Variants in GSK3B observed in about 807,000 individuals in gnomAD.
GSK3B encodes the protein glycogen synthase kinase 3 beta.
GSK3B carries 15 observed loss-of-function variants against 56.4 expected under a neutral mutation model. The observed-to-expected ratio is 0.27, with a 90% CI of 0.18 to 0.41. The LOEUF (loss-of-function observed/expected upper bound fraction) is 0.41, where lower values mean the gene tolerates loss of function less well. Among genes scored for constraint, GSK3B ranks in the 10% least tolerant of loss-of-function variants. The pLI is 1.00. For missense variants in GSK3B, 300 were observed against 513.4 expected (o/e 0.58, Z 4.02); for synonymous variants, 181 against 188.9 (o/e 0.96, Z 0.34).
At chr3:120,009,604 A>G (rs1448886896) in intron 1 of GSK3B, among the ~76,000 whole-genome samples, 1 of 151,472 alleles carries the variant, frequency 6.6e-6, no homozygotes, top group Non-Finnish European at 1.5e-5. Flanking sequence ...AAAACCAAAC[A>G]CCGCATGTTC....
chr3:120,093,198 G>A (rs2058528900), intron 1 of GSK3B, 149 bp downstream of exon 1: 2 of 566,302 alleles, frequency 3.5e-6, no homozygotes, highest in Admixed American at 2.9e-5. Context: ...AGTAAAAAGG[G>A]AGCTGCTTCA....
chr3:120,067,696 C>T (rs2058291905), intron 1 of GSK3B, among the ~76,000 whole-genome samples: 2 of 152,214 alleles, frequency 1.3e-5, no homozygotes, highest in South Asian at 4.2e-4. Flanking sequence ...GCAGAACATA[C>T]AAGAAATAAA....
rs181795872 is a variant in GSK3B at position 119,886,892 on chromosome 3, A to G, written c.814-10384T>C. On this transcript the variant is annotated intron_variant, in intron 7 of 10. Coordinates refer to ENST00000264235, the MANE Select transcript of GSK3B (RefSeq NM_001146156.2). The stretch of plus-strand genomic sequence containing the variant: ...AGCAGGAAAGAAGGCTGCAAAACTA[A>G]CCACTGGGTACTATGCTCAGTACCT... 5.1e-4 allele frequency among the ~76,000 whole-genome samples: 77 copies of G among 152,170 alleles called. No homozygotes were observed. In the Middle Eastern group the frequency reaches 0.01, roughly 20 times the overall value.
Position 119,823,485 on chromosome 3 carries a change from A to G in GSK3B, c.*3303T>C, listed in dbSNP as rs190976553. On this transcript the variant is annotated 3_prime_UTR_variant, in exon 11 of 11. Transcript: ENST00000264235. ...ATTTATAAAAAAACAATTCTCTGTC[A>G]CTCTCTCATTTGGGAGGGAAGTAGA... The G allele has an allele frequency of 5.2e-6, 1 of 192,824 alleles. No homozygotes were observed. Among genetic ancestry groups the G allele is most frequent in the East Asian group, 8.2e-5 (1 of 12,188 alleles). 11.9% of individuals were successfully genotyped at this position (192,824 alleles called of 1,614,324 possible). A position where few individuals can be genotyped will look rare whatever the true frequency, so the allele number is the denominator to read the frequency against.
intron 7 of GSK3B, among the ~76,000 whole-genome samples, chr3:119,904,779 T>TA (rs1449465275): frequency 6.6e-6 from 1 of 152,122 alleles, no homozygotes; most frequent in Admixed American, 6.5e-5. Flanking sequence ...GGAATGTAAC[T>TA]AAAAGGTTAT....
chr3:119,947,822 G>T (rs915774651), intron 2 of GSK3B, among the ~76,000 whole-genome samples: 1 of 148,058 alleles, frequency 6.8e-6, no homozygotes, highest in Non-Finnish European at 1.5e-5. Context: ...CATGAAAAGA[G>T]CTCAGTTGCT....
chr3:119,840,373 C>T (rs1276028300), intron 10 of GSK3B, among the ~76,000 whole-genome samples: 1 of 152,018 alleles, frequency 6.6e-6, no homozygotes, highest in Non-Finnish European at 1.5e-5. Flanking sequence ...TACAGGCATG[C>T]ATCACCACGT....
intron 1 of GSK3B, among the ~76,000 whole-genome samples, chr3:120,081,651 C>T (rs151087627): frequency 3.7e-4 from 57 of 152,276 alleles, no homozygotes; most frequent in African/African-American, 1.3e-3. Flanking sequence ...AACTATCATA[C>T]CACTAGACAC....
intron 1 of GSK3B, among the ~76,000 whole-genome samples, chr3:120,042,084 A>G (rs1175882299): frequency 1.3e-5 from 2 of 152,226 alleles, no homozygotes; most frequent in African/African-American, 4.8e-5. Flanking sequence ...CAGTTGCCAG[A>G]GAAAATCGCT....
At chr3:119,856,146 A>G (rs902320594) in intron 9 of GSK3B, among the ~76,000 whole-genome samples, 10 of 152,166 alleles carry the variant, frequency 6.6e-5, no homozygotes, top group African/African-American at 1.4e-4. Context: ...TTGAAGATGC[A>G]TATGTCCTTG....
chr3:119,912,969 TA>T (rs1294236642), intron 5 of GSK3B, among the ~76,000 whole-genome samples, 159 bp from the exon 6 acceptor site: 1 of 152,096 alleles, frequency 6.6e-6, no homozygotes, highest in Non-Finnish European at 1.5e-5. Flanking sequence ...CTATCTCTAA[TA>T]AAAGAAATTT....
intron 3 of GSK3B, among the ~76,000 whole-genome samples, chr3:119,927,452 C>A (rs1044826656): frequency 6.6e-6 from 1 of 151,680 alleles, no homozygotes; most frequent in Non-Finnish European, 1.5e-5. Flanking sequence ...GTAGGTATAC[C>A]GGCTAGTTGA....
intron 2 of GSK3B, among the ~76,000 whole-genome samples, chr3:119,978,299 C>T (rs552043771): frequency 6.6e-6 from 1 of 152,066 alleles, no homozygotes; most frequent in East Asian, 1.9e-4. Context: ...AAAGAGATTC[C>T]AACCCCGCCA....
intron 3 of GSK3B, among the ~76,000 whole-genome samples, chr3:119,945,103 A>C (rs1644120179): frequency 6.6e-6 from 1 of 152,192 alleles, no homozygotes; most frequent in South Asian, 2.1e-4. Flanking sequence ...GGAGATCATG[A>C]ATGGGGCAAA....
At chr3:120,079,348 ACAT>A (rs1221489541) in intron 1 of GSK3B, among the ~76,000 whole-genome samples, 8 of 98,458 alleles carry the variant, frequency 8.1e-5, no homozygotes, top group East Asian at 2.7e-4. Flanking sequence ...ACACACACAC[ACAT>A]TTTTTTTTTT....
chr3:119,935,395 T>C (rs1251255625), intron 3 of GSK3B, among the ~76,000 whole-genome samples: 1 of 152,098 alleles, frequency 6.6e-6, no homozygotes, highest in Non-Finnish European at 1.5e-5. Flanking sequence ...TTTCTGTAAT[T>C]TGGGGTTTTC....
chr3:119,963,019 G>C lies in GSK3B; in HGVS notation c.283-15668C>G, dbSNP rs192620956. On this transcript the variant is annotated intron_variant, in intron 2 of 10. Transcript: ENST00000264235. ...AACAGGCCATGCACCACACTGGTCC[G>C]CAGCCTGAGGGTTGGGGGCCCCTGT... Among the ~76,000 whole-genome samples, 5 of 152,178 alleles carry C rather than the reference G, an allele frequency of 3.3e-5. No individual in the cohort carries two copies. The East Asian group carries it at 9.6e-4, about 29-fold the overall frequency.
chr3:119,943,177 T>C (rs560628417), intron 3 of GSK3B, among the ~76,000 whole-genome samples: 3 of 152,258 alleles, frequency 2.0e-5, no homozygotes, highest in South Asian at 4.1e-4. Flanking sequence ...GTTACCAAAA[T>C]AGACATATCA....
intron 2 of GSK3B, among the ~76,000 whole-genome samples, chr3:119,990,461 CTCTT>C (rs1234999531): frequency 3.9e-5 from 6 of 152,260 alleles, no homozygotes; most frequent in Middle Eastern, 3.4e-3. Context: ...TGTTTCTTTC[CTCTT>C]TCTTTAACTC....
Sources: gnomAD v4.1 joint callset for allele counts (sites outside exome capture counted in the v4.1 genomes callset) on GRCh38, gnomAD v4.1.1 for gene constraint, MANE v1.5 for transcripts, NCBI Gene and HGNC (gene_info 2026-07-23, HGNC 2026-07-21) for gene names.